BAIAP2L1: variants seen among roughly 807,000 people sequenced by gnomAD.
BAIAP2L1 encodes BAR/IMD domain containing adaptor protein 2 like 1, also known as BAR/IMD domain-containing adapter protein 2-like 1.
A neutral mutation model predicts 66.3 loss-of-function variants in BAIAP2L1; 35 were observed. The observed-to-expected ratio is 0.53, with a 90% confidence interval of 0.40 to 0.70. The LOEUF (loss-of-function observed/expected upper bound fraction) is 0.70, where lower values mean the gene tolerates loss of function less well. BAIAP2L1 is among the 30% of genes least tolerant of loss of function. The pLI, the probability that BAIAP2L1 is intolerant of heterozygous loss-of-function variation, is 0.00. For missense variants in BAIAP2L1, 622 were observed against 656.9 expected (o/e 0.95, Z 0.58); for synonymous variants, 269 against 248.7 (o/e 1.08, Z -0.77).
chr7:98,334,743 A>G (rs184908287), intron 3 of BAIAP2L1, among the ~76,000 whole-genome samples: 58 of 151,640 alleles, frequency 3.8e-4, no homozygotes, highest in Admixed American at 1.0e-3. Context: ...ATGTGGTTTC[A>G]CCATATTGGT....
chr7:98,292,553 C>A lies in BAIAP2L1; in HGVS notation c.*968G>T. 1 of 1,296,968 alleles carries A rather than the reference C, an allele frequency of 7.7e-7. No individual in the cohort carries two copies. The highest frequency in any genetic ancestry group is 1.1e-6 in the Non-Finnish European group (1 of 917,158). The allele number at this position is 1,296,968 out of a possible 1,614,324, so 80.3% of individuals were successfully genotyped here. A position where few individuals can be genotyped will look rare whatever the true frequency, so the allele number is the denominator to read the frequency against. On this transcript the variant is annotated 3_prime_UTR_variant, in exon 14 of 14. Coordinates refer to ENST00000005260, the MANE Select transcript of BAIAP2L1 (RefSeq NM_018842.5). ...ATTTCCAGCCCCGGGCTCAGGGCAG[C>A]CAGTGCGTAGTCCTCACATCCATAC...
At chr7:98,293,926 A>G in intron 13 of BAIAP2L1, 148 bp downstream of exon 13, 1 of 927,956 alleles carries the variant, frequency 1.1e-6, no homozygotes, top group Non-Finnish European at 1.7e-6. Flanking sequence ...TGGTAAAGCG[A>G]GCAGGGGGCT....
chr7:98,297,289 C>T (rs1401156194), intron 12 of BAIAP2L1, among the ~76,000 whole-genome samples: 13 of 152,238 alleles, frequency 8.5e-5, no homozygotes, highest in Non-Finnish European at 1.8e-4. Context: ...CCCGACTGTA[C>T]GGAGCTTCCA....
chr7:98,343,549 C>T (rs1200981140), intron 3 of BAIAP2L1, among the ~76,000 whole-genome samples: 1 of 152,186 alleles, frequency 6.6e-6, no homozygotes, highest in Non-Finnish European at 1.5e-5. Flanking sequence ...GGTTTGTTTG[C>T]TCTGCCCAAC....
intron 12 of BAIAP2L1, among the ~76,000 whole-genome samples, chr7:98,298,350 C>T (rs1326485080): frequency 1.3e-5 from 2 of 152,190 alleles, no homozygotes; most frequent in African/African-American, 2.4e-5. Context: ...CGGTGGCTCA[C>T]GCCTGTAATC....
chr7:98,346,292 ACAT>A (rs1229570946), intron 3 of BAIAP2L1, among the ~76,000 whole-genome samples: 1 of 152,216 alleles, frequency 6.6e-6, no homozygotes, highest in African/African-American at 2.4e-5. Flanking sequence ...AGGACAAAAC[ACAT>A]AAAGAATGAG....
intron 8 of BAIAP2L1, 28 bp from the exon 9 acceptor site, chr7:98,310,620 A>G (rs1800831940): frequency 6.5e-7 from 1 of 1,531,238 alleles, no homozygotes; most frequent in Non-Finnish European, 8.8e-7. Flanking sequence ...TTAGTCCAAT[A>G]TTAGTATAGT....
chr7:98,369,711 G>T (rs149293735), intron 1 of BAIAP2L1, among the ~76,000 whole-genome samples: 1 of 122,186 alleles, frequency 8.2e-6, no homozygotes, highest in African/African-American at 3.2e-5. Flanking sequence ...TTGCTCTGTC[G>T]CCCAGGCTGG....
intron 1 of BAIAP2L1, among the ~76,000 whole-genome samples, chr7:98,383,339 A>G (rs1031555643): frequency 5.4e-5 from 8 of 148,318 alleles, no homozygotes; most frequent in African/African-American, 2.0e-4. Context: ...GCTGGAGTGC[A>G]ATGGTGCGAT....
intron 3 of BAIAP2L1, among the ~76,000 whole-genome samples, chr7:98,346,857 A>T (rs563030339): frequency 1.4e-4 from 21 of 152,326 alleles, no homozygotes; most frequent in South Asian, 8.3e-4. Context: ...GCTGACTGGA[A>T]ATGCTGACAC....
chr7:98,374,238 C>T (rs1260849120), intron 1 of BAIAP2L1, among the ~76,000 whole-genome samples: 1 of 152,062 alleles, frequency 6.6e-6, no homozygotes, highest in East Asian at 1.9e-4. Context: ...TGTGAGCCAC[C>T]ACATCTGGCC....
chr7:98,341,477 G>A (rs1359887013), intron 3 of BAIAP2L1, among the ~76,000 whole-genome samples: 1 of 152,094 alleles, frequency 6.6e-6, no homozygotes, highest in African/African-American at 2.4e-5. Flanking sequence ...CAGCCCAGGA[G>A]TTCGAGACCA....
chr7:98,342,461 A>T (rs750357583), intron 3 of BAIAP2L1, among the ~76,000 whole-genome samples: 1 of 152,200 alleles, frequency 6.6e-6, no homozygotes, highest in Non-Finnish European at 1.5e-5. Flanking sequence ...TGCATGATCC[A>T]TAAGCATTCT....
intron 1 of BAIAP2L1, among the ~76,000 whole-genome samples, chr7:98,393,417 G>A (rs940638642): frequency 4.6e-5 from 7 of 151,980 alleles, no homozygotes; most frequent in African/African-American, 7.2e-5. Context: ...GGAGTGGGGT[G>A]CAAAGTTATG....
At chr7:98,334,549 G>A (rs567682451) in intron 3 of BAIAP2L1, among the ~76,000 whole-genome samples, 55 of 151,920 alleles carry the variant, frequency 3.6e-4, no homozygotes, top group African/African-American at 1.3e-3. Context: ...TCATTAAGGG[G>A]TTTTTGTTTT....
At chr7:98,347,571 C>G (rs920524404) in intron 3 of BAIAP2L1, among the ~76,000 whole-genome samples, 1 of 151,886 alleles carries the variant, frequency 6.6e-6, no homozygotes, top group Non-Finnish European at 1.5e-5. Context: ...GTCAGGAGAT[C>G]GAGACCATCC....
chr7:98,345,144 A>C (rs1344757099), intron 3 of BAIAP2L1, among the ~76,000 whole-genome samples: 1 of 152,160 alleles, frequency 6.6e-6, no homozygotes, highest in Non-Finnish European at 1.5e-5. Flanking sequence ...TAAAGACACA[A>C]AAAAATTTAC....
rs531651623 is a variant in BAIAP2L1, at chr7:98,353,482, C to CATTATAAATACACATATATTTAT, written c.214+1537_214+1559dup. Among the ~76,000 whole-genome samples the CATTATAAATACACATATATTTAT allele has an allele frequency of 8.4e-5, 11 of 131,024 alleles. No homozygotes were observed. In the East Asian group the frequency reaches 1.3e-3, roughly 15 times the overall value. The allele number at this position is 131,024 out of a possible 152,430, so 86.0% of individuals were successfully genotyped here. On this transcript the variant is annotated intron_variant, in intron 3 of 13. Transcript: ENST00000005260. ...TTTATATTATAAATATACATATTTA[C>CATTATAAATACACATATATTTAT]ATTATAAATACACATATATTTATAT...
chr7:98,304,095 CT>C, intron 12 of BAIAP2L1, 100 bp downstream of exon 12: 1 of 1,279,696 alleles, frequency 7.8e-7, no homozygotes, highest in Non-Finnish European at 1.0e-6. Flanking sequence ...CACTCTCCCC[CT>C]GGGGACAGAG....
Sources: gnomAD v4.1 joint callset for allele counts (sites outside exome capture counted in the v4.1 genomes callset) on GRCh38, gnomAD v4.1.1 for gene constraint, MANE v1.5 for transcripts, NCBI Gene and HGNC (gene_info 2026-07-23, HGNC 2026-07-21) for gene names.